IGHMBP2: variants seen among roughly 807,000 people sequenced by gnomAD.
IGHMBP2 encodes the protein immunoglobulin mu DNA binding protein 2, also known as DNA-binding protein SMUBP-2.
A neutral mutation model predicts 96.0 loss-of-function variants in IGHMBP2; 81 were observed. That is an observed-to-expected ratio of 0.84 (90% CI 0.71 to 1.01). The LOEUF (loss-of-function observed/expected upper bound fraction) is 1.01. Ranked by LOEUF, IGHMBP2 falls within the 50% of genes least tolerant of loss-of-function variation. IGHMBP2 has a pLI of 0.00. For missense variants in IGHMBP2, 1,227 were observed against 1,306.3 expected (o/e 0.94, Z 0.94); for synonymous variants, 557 against 548.9 (o/e 1.01, Z -0.21).
In IGHMBP2 at chr11:68,939,649, C is replaced by T; in HGVS notation, c.2900C>T (p.Ala967Val). 6.2e-7 allele frequency: 1 copy of T among 1,613,392 alleles called. No homozygotes were observed. Among genetic ancestry groups the T allele is most frequent in the Non-Finnish European group, 8.5e-7 (1 of 1,179,894 alleles). Residue 967 changes from alanine (A) to valine (V), a missense_variant, in exon 15 of 15, where the codon GCC (alanine) becomes GTC (valine). By Grantham distance (64) the Ala-to-Val change is moderately conservative (BLOSUM62 0). Coordinates refer to ENST00000255078, the MANE Select transcript of IGHMBP2 (RefSeq NM_002180.3). ...GGATCCCTGGACCCAGCCAAGAGGG[C>T]CCAGCTGCAGAGGAGGCTGGATAAG... ...KNGSLDPAKR[A>V]QLQRRLDKKL...
At position 68,929,367 on chromosome 11, in the gene IGHMBP2, C is replaced by G; in HGVS notation, c.1235+10C>G. The G allele has an allele frequency of 6.2e-7, 1 of 1,611,828 alleles. No individual in the cohort carries two copies. Among genetic ancestry groups the G allele is most frequent in the Admixed American group, 1.7e-5 (1 of 60,024 alleles). The stretch of plus-strand genomic sequence containing the variant: ...CCACAGTCTCTCACAAGTAAGACCC[C>G]TTTGCCTCACATGCCCTTCTCTGCC... On this transcript the variant is annotated intron_variant, in intron 8 of 14. Coordinates refer to ENST00000255078, the MANE Select transcript of IGHMBP2 (RefSeq NM_002180.3).
At chr11:68,923,362 C>G (rs1015446968) in intron 7 of IGHMBP2, among the ~76,000 whole-genome samples, 2 of 151,904 alleles carry the variant, frequency 1.3e-5, no homozygotes, top group Non-Finnish European at 2.9e-5. Context: ...GCTACCATGC[C>G]CGGCTAATTT....
rs117385919 is a variant in IGHMBP2, at chr11:68,925,765, C to T, written c.1061-3418C>T. Among the ~76,000 whole-genome samples, 847 of 152,244 alleles carry T rather than the reference C, an allele frequency of 5.6e-3. 6 individuals are homozygous for T. The highest frequency in any genetic ancestry group is 9.0e-3 in the Admixed American group (137 of 15,292). On this transcript the variant is annotated intron_variant, in intron 7 of 14. Transcript: ENST00000255078. ...GTTGACAGTCTTTCAGCCCTTTGGA[C>T]GTGTCATTCCATTGCCTGCATACTT... is the stretch of plus-strand genomic sequence containing the variant.
Position 68,933,290 on chromosome 11 carries a change from T to A in IGHMBP2, c.1236-9T>A, listed in dbSNP as rs1447931595. On this transcript the variant is annotated splice_polypyrimidine_tract_variant and intron_variant, in intron 8 of 14. Transcript: ENST00000255078. ...GCCTGCCTTCCCCCTTTCTCCCTCCTGGGCGCAGGGCTGCGCTGGCAGGAC... is the reference window on the plus strand; with the variant it reads ...GCCTGCCTTCCCCCTTTCTCCCTCCAGGGCGCAGGGCTGCGCTGGCAGGAC... 1 of 1,610,548 alleles carries A rather than the reference T, an allele frequency of 6.2e-7. No individual in the cohort carries two copies. The highest frequency in any genetic ancestry group is 2.2e-5 in the East Asian group (1 of 44,806).
intron 2 of IGHMBP2, among the ~76,000 whole-genome samples, chr11:68,907,435 A>G (rs1367389562): frequency 6.6e-6 from 1 of 152,204 alleles, no homozygotes; most frequent in Non-Finnish European, 1.5e-5. Flanking sequence ...AAGGAGGGAC[A>G]GTTAGAAGAA....
At position 68,936,483 on chromosome 11, in the gene IGHMBP2, G is replaced by C. The variant is rs1398198941; in HGVS notation, c.2003G>C (p.Gly668Ala). 6.2e-7 allele frequency: 1 copy of C among 1,613,854 alleles called. No individual in the cohort carries two copies. Among genetic ancestry groups the C allele is most frequent in the South Asian group, 1.1e-5 (1 of 91,074 alleles). The change falls in exon 13 of 15, where the codon GGA becomes GCA. Residue 668 changes from glycine (G) to alanine (A), a missense_variant. Around this residue, in one of 3 missense-constraint regions of IGHMBP2, gnomAD observed 703 missense variants for 770.3 expected, o/e 0.91. Coordinates refer to ENST00000255078, the MANE Select transcript of IGHMBP2 (RefSeq NM_002180.3). ...GSSHAATKPQ[G>A]PATSTRTGSQ... is the part of the protein sequence containing the mutation. Reference sequence around the variant, plus strand: ...AGCCACGCTGCCACCAAGCCCCAGGGACCTGCTACGTCCACCAGGACCGGA... The same window carrying C: ...AGCCACGCTGCCACCAAGCCCCAGGCACCTGCTACGTCCACCAGGACCGGA...
chr11:68,905,148 G>C (rs936766871), intron 1 of IGHMBP2, among the ~76,000 whole-genome samples: 2 of 152,238 alleles, frequency 1.3e-5, no homozygotes, highest in African/African-American at 4.8e-5. Flanking sequence ...TGGAGACAGA[G>C]AGGGGTTAAG....
At chr11:68,934,198 C>G (rs1292380105) in intron 10 of IGHMBP2, 2 of 615,046 alleles carry the variant, frequency 3.3e-6, no homozygotes, top group African/African-American at 3.7e-5. Flanking sequence ...CATTGCTCAG[C>G]TGACACCACC....
intron 2 of IGHMBP2, 46 bp from the exon 3 acceptor site, chr11:68,908,099 G>A: frequency 6.9e-7 from 1 of 1,454,796 alleles, no homozygotes; most frequent in Non-Finnish European, 9.6e-7. Context: ...AAATGATATT[G>A]AAGCTTTCCC....
chr11:68,929,146 G>T, intron 7 of IGHMBP2, 37 bp from the exon 8 acceptor site: 2 of 1,602,804 alleles, frequency 1.2e-6, no homozygotes, highest in Non-Finnish European at 1.7e-6. Context: ...GGAAGCAGCT[G>T]TGCCCCTGGA....
intron 8 of IGHMBP2, among the ~76,000 whole-genome samples, chr11:68,931,888 A>G (rs752105267): frequency 8.6e-5 from 13 of 151,940 alleles, no homozygotes; most frequent in Non-Finnish European, 5.9e-5. Context: ...TTTCGGGGGA[A>G]GACGTTGGGT....
rs145076368 is a variant in IGHMBP2 at position 68,917,829 on chromosome 11, G to A, written c.1006G>A (p.Ala336Thr). Residue 336 changes from alanine (A) to threonine (T), a missense_variant, in exon 7 of 15, where the codon GCA (alanine) becomes ACA (threonine). Ala to Thr is a moderately conservative substitution (Grantham distance 58). Around this residue, in one of 3 missense-constraint regions of IGHMBP2, gnomAD observed 507 missense variants for 496.9 expected, o/e 1.02. Transcript: ENST00000255078. ...LRKELKEREE[A>T]AMLESLTSAN... ...AAAAGAACTGAAGGAGAGGGAAGAAGCAGCTATGCTCGAGAGCCTCACTTC... is the reference window on the plus strand; with the variant it reads ...AAAAGAACTGAAGGAGAGGGAAGAAACAGCTATGCTCGAGAGCCTCACTTC... The A allele has an allele frequency of 5.0e-6, 8 of 1,614,004 alleles. No homozygotes were observed. Among genetic ancestry groups the A allele is most frequent in the African/African-American group, 4.0e-5 (3 of 74,936 alleles).
Position 68,933,354 on chromosome 11 carries a change from G to A in IGHMBP2, c.1291G>A (p.Gly431Ser), listed in dbSNP as rs772257226. The A allele has an allele frequency of 1.1e-5, 18 of 1,613,008 alleles. No individual in the cohort carries two copies. The highest frequency in any genetic ancestry group is 3.3e-4 in the Middle Eastern group (2 of 6,082). The change falls in exon 9 of 15, where the codon GGC (glycine) becomes AGC (serine). Residue 431 changes from glycine (G) to serine (S), a missense_variant. Gly to Ser is a moderately conservative substitution (Grantham distance 56). This residue lies in a region of IGHMBP2 where 703 missense variants were observed against 770.3 expected (regional missense o/e 0.91). Transcript: ENST00000255078. ...SLMERLAEEY[G>S]ARVVRTLTVQ... ...GATGGAACGCCTGGCTGAGGAGTAC[G>A]GCGCGAGGGTGGTGCGGACACTGAC...
Position 68,929,277 on chromosome 11 carries a change from C to T in IGHMBP2, c.1155C>T (p.Cys385=), listed in dbSNP as rs1342294991. ...GTGCCCAGGCCCTCGAGGCGAGCTG[C>T]TGGATCCCCCTGCTGAAGGCCAGAA... ...DECAQALEAS[C]WIPLLKARKC... Residue 385 remains cysteine, a synonymous_variant, in exon 8 of 15, where the codon TGC becomes TGT. Coordinates refer to ENST00000255078, the MANE Select transcript of IGHMBP2 (RefSeq NM_002180.3). The T allele has an allele frequency of 6.2e-7, 1 of 1,613,836 alleles. No individual in the cohort carries two copies. Among genetic ancestry groups the T allele is most frequent in the Non-Finnish European group, 8.5e-7 (1 of 1,180,024 alleles).
chr11:68,914,235 C>T lies in IGHMBP2; in HGVS notation c.712-588C>T, dbSNP rs79683857. Among the ~76,000 whole-genome samples the T allele has an allele frequency of 5.4e-3, 816 of 151,718 alleles. 6 individuals carry two copies. The highest frequency in any genetic ancestry group is 9.0e-3 in the Admixed American group (137 of 15,214). On this transcript the variant is annotated intron_variant, in intron 5 of 14. Coordinates refer to ENST00000255078, the MANE Select transcript of IGHMBP2 (RefSeq NM_002180.3). ...ACAACTGTCCATGGGACTATTGAGC[C>T]GGTTTCTCCATGATCCTGCCACTGC...
At chr11:68,912,726 G>A (rs906620137) in intron 5 of IGHMBP2, among the ~76,000 whole-genome samples, 1 of 152,002 alleles carries the variant, frequency 6.6e-6, no homozygotes, top group African/African-American at 2.4e-5. Context: ...TGCCAAGGCA[G>A]GTGGTTAGTG....
chr11:68,928,197 CTTGTGGCCT>C (rs1014093143), intron 7 of IGHMBP2, among the ~76,000 whole-genome samples: 5 of 152,226 alleles, frequency 3.3e-5, no homozygotes, highest in African/African-American at 9.6e-5. Flanking sequence ...ACAAGGTCAG[CTTGTGGCCT>C]TTGTGGCCTT....
chr11:68,934,178 T>C, intron 10 of IGHMBP2: 2 of 611,272 alleles, frequency 3.3e-6, no homozygotes, highest in South Asian at 3.8e-5. Context: ...GGTCTGGTGA[T>C]GGGAACTGTC....
At chr11:68,921,019 ACTC>A (rs1487592983) in intron 7 of IGHMBP2, among the ~76,000 whole-genome samples, 3 of 152,080 alleles carry the variant, frequency 2.0e-5, no homozygotes, top group Non-Finnish European at 4.4e-5. Flanking sequence ...CTGGTCTCAA[ACTC>A]CTGGCCTCAA....
Sources: allele counts gnomAD v4.1 joint callset (sites outside exome capture counted in the v4.1 genomes callset), GRCh38; gene constraint gnomAD v4.1.1; regional missense constraint gnomAD v4.1.1; transcripts MANE v1.5; gene names NCBI Gene and HGNC (gene_info 2026-07-23, HGNC 2026-07-21).